The following MRTFB variants were observed in gnomAD, a reference collection of about 807,000 sequenced individuals.
The protein encoded by MRTFB is myocardin related transcription factor B.
MRTFB carries 29 observed loss-of-function variants against 104.2 expected under a neutral mutation model. The observed-to-expected ratio is 0.28, with a 90% CI of 0.21 to 0.38. The LOEUF (loss-of-function observed/expected upper bound fraction) is 0.38, where lower values mean the gene tolerates loss of function less well. Among genes scored for constraint, MRTFB ranks in the 10% least tolerant of loss-of-function variants. MRTFB has a pLI of 1.00. For missense variants in MRTFB, 1,270 were observed against 1,341.6 expected (o/e 0.95, Z 0.83); for synonymous variants, 535 against 519.5 (o/e 1.03, Z -0.41).
chr16:14,109,984 G>GA (rs1329343263), intron 2 of MRTFB, among the ~76,000 whole-genome samples: 1 of 152,106 alleles, frequency 6.6e-6, no homozygotes, highest in African/African-American at 2.4e-5. Context: ...AAAAGGAGAG[G>GA]AAAAAGGAAA....
chr16:14,245,935 C>T (rs1354015030), intron 11 of MRTFB, among the ~76,000 whole-genome samples: 2 of 152,092 alleles, frequency 1.3e-5, no homozygotes, highest in Non-Finnish European at 2.9e-5. Context: ...CTGCTCAATG[C>T]CAAGTTTGGG....
At chr16:14,138,708 G>GC (rs2037847233) in intron 2 of MRTFB, among the ~76,000 whole-genome samples, 2 of 152,106 alleles carry the variant, frequency 1.3e-5, no homozygotes, top group Admixed American at 6.5e-5. Flanking sequence ...GCATACACCT[G>GC]CCCCCCACCC....
At chr16:14,052,272 T>A in the MRTFB span, among the ~76,000 whole-genome samples, 10 of 152,162 alleles carry the variant, frequency 6.6e-5, no homozygotes, top group Non-Finnish European at 1.3e-4. Flanking sequence ...TATTCTTTTT[T>A]AAAAACAATT....
chr16:14,110,551 G>A (rs904539471), intron 2 of MRTFB, among the ~76,000 whole-genome samples: 2 of 152,156 alleles, frequency 1.3e-5, no homozygotes, highest in East Asian at 1.9e-4. Flanking sequence ...GCCCCTTTAA[G>A]CTTCAAAGTG....
At position 14,265,922 on chromosome 16, in the gene MRTFB, A is replaced by T. The variant is rs571312729; in HGVS notation, c.*4478A>T. The T allele has an allele frequency of 9.8e-5, 15 of 152,364 alleles. 1 individual carries two copies. The highest frequency in any genetic ancestry group is 1.8e-4 in the Non-Finnish European group (12 of 68,034). 9.4% of individuals were successfully genotyped at this position (152,364 alleles called of 1,614,324 possible). Reference sequence around the variant, plus strand: ...AACTACTAAGACAAAGCTTTAACAAAGTTTATAGAATACTGAAACTCGTAA... The same window carrying T: ...AACTACTAAGACAAAGCTTTAACAATGTTTATAGAATACTGAAACTCGTAA... On this transcript the variant is annotated 3_prime_UTR_variant, in exon 17 of 17. Coordinates refer to ENST00000571589, the MANE Select transcript of MRTFB (RefSeq NM_001308142.2).
At chr16:14,185,073 A>G (rs554552832) in intron 3 of MRTFB, among the ~76,000 whole-genome samples, 9 of 152,364 alleles carry the variant, frequency 5.9e-5, no homozygotes, top group Middle Eastern at 3.4e-3. Flanking sequence ...TAGTTTCTTC[A>G]GAAGAATGTA....
At chr16:14,217,340 T>G (rs2041471851) in intron 7 of MRTFB, 53 bp downstream of exon 7, 5 of 1,495,088 alleles carry the variant, frequency 3.3e-6, no homozygotes, top group Non-Finnish European at 4.5e-6. Context: ...CTTGGAAATT[T>G]TAGATAAAAC....
the MRTFB span, chr16:14,020,455 T>C: frequency 6.6e-6 from 1 of 152,140 alleles, no homozygotes; most frequent in Non-Finnish European, 1.5e-5. Context: ...TCTTGAAGCT[T>C]ATAGCCAAAT....
At chr16:14,163,939 T>C (rs572720212) in intron 3 of MRTFB, among the ~76,000 whole-genome samples, 12 of 152,300 alleles carry the variant, frequency 7.9e-5, no homozygotes, top group Non-Finnish European at 1.5e-4. Flanking sequence ...ATAATACTTG[T>C]ACATATTTAT....
chr16:14,013,719 G>A, the MRTFB span, among the ~76,000 whole-genome samples: 2 of 151,860 alleles, frequency 1.3e-5, no homozygotes, highest in East Asian at 3.9e-4. Flanking sequence ...CATCTGCTTT[G>A]CTTTCTGATT....
chr16:13,998,481 C>T, the MRTFB span, among the ~76,000 whole-genome samples: 1 of 151,914 alleles, frequency 6.6e-6, no homozygotes, highest in Non-Finnish European at 1.5e-5. Context: ...AGACCCTCTA[C>T]AAAAATTTTT....
intron 2 of MRTFB, among the ~76,000 whole-genome samples, chr16:14,127,386 G>T (rs552365822): frequency 1.3e-5 from 2 of 152,148 alleles, no homozygotes; most frequent in African/African-American, 2.4e-5. Context: ...GCCGGGTGCG[G>T]TAAGTATCTT....
At chr16:14,166,422 C>T (rs575559476) in intron 3 of MRTFB, among the ~76,000 whole-genome samples, 5 of 152,208 alleles carry the variant, frequency 3.3e-5, no homozygotes, top group Admixed American at 1.3e-4. Flanking sequence ...AAAAGAATGT[C>T]AACATCAGTA....
At chr16:14,212,222 T>C in intron 4 of MRTFB, 132 bp from the exon 5 acceptor site, 4 of 824,892 alleles carry the variant, frequency 4.8e-6, no homozygotes, top group Non-Finnish European at 7.6e-6. Flanking sequence ...GCAGGTCTCC[T>C]AATGGAACTG....
intron 3 of MRTFB, among the ~76,000 whole-genome samples, chr16:14,179,296 T>C (rs755347545): frequency 6.6e-6 from 1 of 152,260 alleles, no homozygotes; most frequent in Non-Finnish European, 1.5e-5. Context: ...TATGCCATCA[T>C]GACTCATAGA....
At chr16:14,222,318 T>C (rs2041762385) in intron 8 of MRTFB, among the ~76,000 whole-genome samples, 1 of 152,220 alleles carries the variant, frequency 6.6e-6, no homozygotes, top group Non-Finnish European at 1.5e-5. Context: ...TAAAATAAGC[T>C]ATCCAACCTA....
At chr16:14,221,778 CTTTT>C (rs34467645) in intron 8 of MRTFB, among the ~76,000 whole-genome samples, 2 of 70,804 alleles carry the variant, frequency 2.8e-5, no homozygotes, top group Non-Finnish European at 5.9e-5. Context: ...TATTTCTTTC[CTTTT>C]TTTTTTTTTT....
At chr16:14,128,496 C>T (rs1210973179) in intron 2 of MRTFB, among the ~76,000 whole-genome samples, 3 of 152,160 alleles carry the variant, frequency 2.0e-5, no homozygotes, top group Non-Finnish European at 4.4e-5. Flanking sequence ...TCACCTACTG[C>T]GGCCTTCAGC....
the MRTFB span, among the ~76,000 whole-genome samples, chr16:14,063,773 T>A: frequency 6.6e-6 from 1 of 152,218 alleles, no homozygotes; most frequent in Non-Finnish European, 1.5e-5. Flanking sequence ...AGCCTATCTG[T>A]ATTGAGATGT....
Sources: gnomAD v4.1 joint callset for allele counts (sites outside exome capture counted in the v4.1 genomes callset) on GRCh38, gnomAD v4.1.1 for gene constraint, MANE v1.5 for transcripts, NCBI Gene and HGNC (gene_info 2026-07-23, HGNC 2026-07-21) for gene names.